PAK4: variants seen among roughly 807,000 people sequenced by gnomAD.
The protein encoded by PAK4 is serine/threonine-protein kinase PAK 4.
A neutral mutation model predicts 53.5 loss-of-function variants in PAK4; 49 were observed. The observed-to-expected ratio is 0.92, with a 90% confidence interval of 0.73 to 1.16. PAK4 has a LOEUF of 1.16. Ranked by LOEUF, PAK4 falls within the 50% of genes most tolerant of loss-of-function variation. The pLI, the probability that PAK4 is intolerant of heterozygous loss-of-function variation, is 0.00. For synonymous variants in PAK4, 376 were observed against 375.6 expected, an observed-to-expected ratio of 1.00 and a Z score of -0.01; for missense variants, 824 against 850.7, an observed-to-expected ratio of 0.97 and a Z score of 0.39.
chr19:39,156,463 TAGG>T (rs1372477516), intron 1 of PAK4, among the ~76,000 whole-genome samples: 2 of 152,012 alleles, frequency 1.3e-5, no homozygotes, highest in Non-Finnish European at 1.5e-5. Flanking sequence ...TAGCCTGGCA[TAGG>T]GGGGTGAGGC....
chr19:39,135,714 G>A (rs148748884), intron 1 of PAK4, among the ~76,000 whole-genome samples: 75 of 152,016 alleles, frequency 4.9e-4, no homozygotes, highest in African/African-American at 1.8e-3. Flanking sequence ...AGCCCTCCCC[G>A]AGCTCAGTCC....
At position 39,161,530 on chromosome 19, in the gene PAK4, C is replaced by T. The variant is rs1204496838; in HGVS notation, c.-22-8002C>T. On this transcript the variant is annotated intron_variant, in intron 1 of 8. Transcript: ENST00000358301. This position sits in a 1 kb window ranked among gnomAD's most constrained non-coding sequence, Gnocchi z 4.5. ...TCCTGCCCCCTTGATTTCCACTGGG[C>T]CATCACAGCCTCCTCCTCCCTGGTC... Among the ~76,000 whole-genome samples, 1 of 151,908 alleles carries T rather than the reference C, an allele frequency of 6.6e-6. No homozygotes were observed. The highest frequency in any genetic ancestry group is 1.5e-5 in the Non-Finnish European group (1 of 67,936).
chr19:39,178,449 T>C lies in PAK4; in HGVS notation c.1646T>C (p.Leu549Pro). The C allele has an allele frequency of 6.3e-7, 1 of 1,595,798 alleles. No homozygotes were observed. Among genetic ancestry groups the C allele is most frequent in the Non-Finnish European group, 8.5e-7 (1 of 1,172,194 alleles). ...GTGTCGCCATCCCTGAAGGGCTTCC[T>C]GGACCGCCTGCTGGTGCGAGACCCT... Residue 549 changes from leucine (L) to proline (P), a missense_variant, in exon 9 of 9, where the codon CTG becomes CCG. Leu to Pro is a moderately conservative substitution (Grantham distance 98). Around this residue, in one of 2 missense-constraint regions of PAK4, gnomAD observed 346 missense variants for 415.0 expected, o/e 0.83. Transcript: ENST00000358301. This position sits in a 1 kb window ranked among gnomAD's most constrained non-coding sequence, Gnocchi z 4.4.
intron 1 of PAK4, among the ~76,000 whole-genome samples, chr19:39,144,178 A>ATTAGAT (rs1437469407): frequency 2.0e-5 from 3 of 149,064 alleles, no homozygotes; most frequent in South Asian, 2.1e-4. Flanking sequence ...AGATAGATAG[A>ATTAGAT]TAGATAGATA....
In PAK4 at chr19:39,158,090, A is replaced by G. The variant is rs542145148; in HGVS notation, c.-22-11442A>G. ...TGTGAGCATGCATGTGTGTGTGTGC[A>G]TGTGTGTGCATGCATGTGAGCATTG... On this transcript the variant is annotated intron_variant, in intron 1 of 8. Coordinates refer to ENST00000358301, the Ensembl canonical transcript of PAK4. 2.7e-5 allele frequency among the ~76,000 whole-genome samples: 4 copies of G among 148,540 alleles called. No individual in the cohort carries two copies. In the East Asian group the frequency reaches 6.0e-4, roughly 22 times the overall value.
intron 1 of PAK4, among the ~76,000 whole-genome samples, chr19:39,151,434 C>A (rs1200588272): frequency 6.6e-6 from 1 of 152,246 alleles, no homozygotes; most frequent in Non-Finnish European, 1.5e-5. Flanking sequence ...ACAGGCCTCA[C>A]GCAGGGCCAC....
intron 1 of PAK4, among the ~76,000 whole-genome samples, chr19:39,127,148 T>C (rs1327135843): frequency 6.6e-6 from 1 of 152,038 alleles, no homozygotes; most frequent in Non-Finnish European, 1.5e-5. Flanking sequence ...TCCGACGGGC[T>C]TCTGACTGGG....
chr19:39,159,512 A>G (rs2144762099), intron 1 of PAK4, among the ~76,000 whole-genome samples: 1 of 152,210 alleles, frequency 6.6e-6, no homozygotes, highest in South Asian at 2.1e-4. Flanking sequence ...CAGCCTCCCA[A>G]GTAGCTGGGA....
chr19:39,139,511 T>C (rs773384452), intron 1 of PAK4, among the ~76,000 whole-genome samples: 11 of 152,260 alleles, frequency 7.2e-5, no homozygotes, highest in Middle Eastern at 3.4e-3. Context: ...ACTCTGGAGA[T>C]GGCTGTGCCA....
intron 1 of PAK4, among the ~76,000 whole-genome samples, chr19:39,143,507 C>T (rs572652735): frequency 1.5e-4 from 20 of 135,888 alleles, no homozygotes; most frequent in African/African-American, 4.6e-4. Context: ...GCAGGAGAAT[C>T]GCTGGAACCC....
At chr19:39,153,056 AT>A (rs2074119201) in intron 1 of PAK4, among the ~76,000 whole-genome samples, 1 of 152,102 alleles carries the variant, frequency 6.6e-6, no homozygotes, top group Non-Finnish European at 1.5e-5. Context: ...AGATATATCA[AT>A]TTTTTTCTTT....
chr19:39,162,079 C>T (rs2074294052), intron 1 of PAK4, among the ~76,000 whole-genome samples: 1 of 152,190 alleles, frequency 6.6e-6, no homozygotes, highest in Non-Finnish European at 1.5e-5. Flanking sequence ...CCTGCCTCAG[C>T]CTCCCAAGTA....
intron 1 of PAK4, among the ~76,000 whole-genome samples, chr19:39,143,312 T>C (rs998200416): frequency 7.6e-6 from 1 of 131,438 alleles, no homozygotes; most frequent in African/African-American, 2.8e-5. Context: ...AAAAAAAGGC[T>C]GGGTGTGGTG....
At chr19:39,167,505 G>A (rs2144806575) in intron 1 of PAK4, among the ~76,000 whole-genome samples, 1 of 152,210 alleles carries the variant, frequency 6.6e-6, no homozygotes, top group East Asian at 1.9e-4. Context: ...CAGGGCGCCA[G>A]CATTGGGCTC....
At chr19:39,176,339 A>G (rs903455059) in intron 6 of PAK4, 11 of 535,044 alleles carry the variant, frequency 2.1e-5, no homozygotes, top group African/African-American at 1.9e-4. Context: ...AGTGTCCCCA[A>G]AAGCCCCAGA....
rs1272786039 is a variant in PAK4 at position 39,173,360 on chromosome 19, C to T, written c.647C>T (p.Pro216Leu). The T allele has an allele frequency of 6.5e-7, 1 of 1,535,950 alleles. No individual in the cohort carries two copies. The highest frequency in any genetic ancestry group is 1.2e-5 in the South Asian group (1 of 81,182). The stretch of plus-strand genomic sequence containing the variant: ...TACCCGAGGGCTGACACGGACCACC[C>T]ATCCCGGGGTGCCCAGGTAACCCAT... Residue 216 changes from proline to leucine, a missense_variant, in exon 3 of 9, where the codon CCA becomes CTA. Pro to Leu is a moderately conservative substitution (Grantham distance 98). Coordinates refer to ENST00000358301, the Ensembl canonical transcript of PAK4. The surrounding 1 kb of genome is among the most constrained non-coding windows in gnomAD (Gnocchi z 6.9).
At chr19:39,131,798 CAT>C (rs2073717061) in intron 1 of PAK4, among the ~76,000 whole-genome samples, 1 of 152,198 alleles carries the variant, frequency 6.6e-6, no homozygotes, top group East Asian at 1.9e-4. Flanking sequence ...AGTCCACACA[CAT>C]CCCTTAGCCT....
chr19:39,174,891 C>A lies in PAK4; in HGVS notation c.1099-40C>A, dbSNP rs1194523835. ...GGTGGCTGGGTCTGGCACTGGCAGCCCTCCCGCCTCCCTCCACCACTGACC... is the reference window on the plus strand; with the variant it reads ...GGTGGCTGGGTCTGGCACTGGCAGCACTCCCGCCTCCCTCCACCACTGACC... On this transcript the variant is annotated intron_variant, in intron 4 of 8. Coordinates refer to ENST00000358301, the Ensembl canonical transcript of PAK4. The A allele has an allele frequency of 1.9e-6, 3 of 1,611,568 alleles. No individual in the cohort carries two copies. In the African/African-American group the frequency reaches 4.0e-5, roughly 22 times the overall value.
rs116665223 is a variant in PAK4 at position 39,175,366 on chromosome 19, G to T, written c.1287G>T (p.Ser429=). ...GCCTTGCAGTGCTGCAGGCCCTGTC[G>T]GTGCTCCACGCCCAGGGCGTCATCC... The change falls in exon 6 of 9, where the codon TCG becomes TCT. Residue 429 remains serine (S), a synonymous_variant. Transcript: ENST00000358301. This position sits in a 1 kb window ranked among gnomAD's most constrained non-coding sequence, Gnocchi z 4.7. The T allele has an allele frequency of 6.2e-7, 1 of 1,606,318 alleles. No individual in the cohort carries two copies.
Sources: allele counts gnomAD v4.1 joint callset (sites outside exome capture counted in the v4.1 genomes callset), GRCh38; gene constraint gnomAD v4.1.1; regional missense constraint gnomAD v4.1.1; non-coding constraint Gnocchi (gnomAD v3.1); transcripts MANE v1.5; gene names NCBI Gene and HGNC (gene_info 2026-07-23, HGNC 2026-07-21).